The following SH3BP4 variants were observed in gnomAD, a reference collection of about 807,000 sequenced individuals.
The protein encoded by SH3BP4 is SH3 domain binding protein 4, also known as SH3 domain-binding protein 4.
SH3BP4 carries 33 observed loss-of-function variants against 65.5 expected under a neutral mutation model. The observed-to-expected ratio is 0.50, with a 90% CI of 0.38 to 0.67. The LOEUF (loss-of-function observed/expected upper bound fraction) is 0.67. Among genes scored for constraint, SH3BP4 ranks in the 30% least tolerant of loss-of-function variants. The probability of loss-of-function intolerance (pLI) is 0.00; values close to 1 mark genes in which losing one functional copy is unlikely to be tolerated. For missense variants in SH3BP4, 1,134 were observed against 1,261.4 expected (o/e 0.90, Z 1.53); for synonymous variants, 552 against 545.5 (o/e 1.01, Z -0.17).
chr2:235,000,276 C>T (rs1166364602), intron 2 of SH3BP4, among the ~76,000 whole-genome samples: 1 of 152,216 alleles, frequency 6.6e-6, no homozygotes, highest in East Asian at 1.9e-4. Context: ...CTCTCTGGGC[C>T]TCACTTCTCC....
chr2:235,032,108 T>C (rs1190467316), intron 2 of SH3BP4, among the ~76,000 whole-genome samples: 2 of 152,114 alleles, frequency 1.3e-5, no homozygotes, highest in Non-Finnish European at 2.9e-5. Flanking sequence ...GAGCACACAT[T>C]GGTGATTAAC....
At chr2:234,963,342 A>G (rs770050317) in intron 1 of SH3BP4, among the ~76,000 whole-genome samples, 9 of 152,220 alleles carry the variant, frequency 5.9e-5, no homozygotes, top group African/African-American at 9.6e-5. Context: ...TTATAATTAT[A>G]TTAATTGTTG....
At position 235,046,648 on chromosome 2, in the gene SH3BP4, G is replaced by A. The variant is rs1306742501; in HGVS notation, c.2478+3401G>A. Among the ~76,000 whole-genome samples the A allele has an allele frequency of 1.3e-5, 2 of 152,122 alleles. No individual in the cohort carries two copies. Among genetic ancestry groups the A allele is most frequent in the Admixed American group, 1.3e-4 (2 of 15,272 alleles). On this transcript the variant is annotated intron_variant, in intron 4 of 5. Transcript: ENST00000392011. This position sits in a 1 kb window ranked among gnomAD's most constrained non-coding sequence, Gnocchi z 4.2. ...CTTGTTTCTCATTATTACTCTAACTGAACATAGGTCCCATGAGAGGAAGGG... is the reference window on the plus strand; with the variant it reads ...CTTGTTTCTCATTATTACTCTAACTAAACATAGGTCCCATGAGAGGAAGGG...
chr2:235,005,656 C>T (rs1045101588), intron 2 of SH3BP4, among the ~76,000 whole-genome samples: 1 of 152,206 alleles, frequency 6.6e-6, no homozygotes, highest in African/African-American at 2.4e-5. Context: ...TCCTCGTGTC[C>T]AGGCTACAGG....
chr2:234,959,584 T>A (rs1461974267), intron 1 of SH3BP4, among the ~76,000 whole-genome samples: 1 of 152,236 alleles, frequency 6.6e-6, no homozygotes, highest in Non-Finnish European at 1.5e-5. Context: ...ATTTAATTTT[T>A]AATTCAGGTA....
At chr2:234,972,654 A>C (rs1310577720) in intron 1 of SH3BP4, among the ~76,000 whole-genome samples, 1 of 152,148 alleles carries the variant, frequency 6.6e-6, no homozygotes, top group East Asian at 1.9e-4. Flanking sequence ...TGAGCCCAGG[A>C]GGTCAAGCCT....
chr2:235,013,658 A>C (rs1425212290), intron 2 of SH3BP4, among the ~76,000 whole-genome samples: 2 of 152,226 alleles, frequency 1.3e-5, no homozygotes, highest in Non-Finnish European at 2.9e-5. Flanking sequence ...TTTTGCCTGC[A>C]GTCGCTTCCA....
At chr2:235,009,443 T>C (rs189073162) in intron 2 of SH3BP4, among the ~76,000 whole-genome samples, 123 of 152,322 alleles carry the variant, frequency 8.1e-4, no homozygotes, top group Non-Finnish European at 1.5e-3. Flanking sequence ...GTGGTGTGCC[T>C]GGGACCCTGG....
intron 1 of SH3BP4, among the ~76,000 whole-genome samples, chr2:234,990,802 G>C (rs1056954091): frequency 3.9e-5 from 6 of 152,246 alleles, no homozygotes; most frequent in Admixed American, 2.0e-4. Context: ...GGAAGTCCAA[G>C]ATGAGTGTCA....
At chr2:234,964,418 G>A (rs1177485107) in intron 1 of SH3BP4, among the ~76,000 whole-genome samples, 3 of 152,162 alleles carry the variant, frequency 2.0e-5, no homozygotes, top group African/African-American at 7.2e-5. Flanking sequence ...CCGGGTGGGG[G>A]AGATAAATGG....
intron 1 of SH3BP4, among the ~76,000 whole-genome samples, chr2:234,985,384 T>C (rs1470390024): frequency 6.6e-6 from 1 of 152,128 alleles, no homozygotes; most frequent in African/African-American, 2.4e-5. Context: ...GTCAAAAGTG[T>C]GCGTGAATGA....
chr2:235,005,363 C>A (rs1038831187), intron 2 of SH3BP4, among the ~76,000 whole-genome samples: 1 of 152,184 alleles, frequency 6.6e-6, no homozygotes, highest in Non-Finnish European at 1.5e-5. Context: ...TCGCCTGGGG[C>A]TCACTCCGGC....
intron 2 of SH3BP4, among the ~76,000 whole-genome samples, chr2:235,007,872 A>G (rs568614479): frequency 6.6e-6 from 1 of 152,338 alleles, no homozygotes; most frequent in Non-Finnish European, 1.5e-5. Flanking sequence ...CCCGAGGAGA[A>G]TGCGCCAGCG....
chr2:235,053,178 C>T (rs897332815), intron 5 of SH3BP4, among the ~76,000 whole-genome samples: 3 of 152,166 alleles, frequency 2.0e-5, no homozygotes, highest in Non-Finnish European at 4.4e-5. Flanking sequence ...TTTGTGTTCT[C>T]GCATGTTTGT....
chr2:235,015,916 T>A (rs1264712607), intron 2 of SH3BP4, among the ~76,000 whole-genome samples: 1 of 151,930 alleles, frequency 6.6e-6, no homozygotes, highest in East Asian at 1.9e-4. Context: ...GTGGCTGAGC[T>A]GGGTCAGTAT....
chr2:235,034,877 A>G lies in SH3BP4; in HGVS notation c.-126A>G, dbSNP rs1559252489. 1.4e-6 allele frequency: 1 copy of G among 722,196 alleles called. No homozygotes were observed. Among genetic ancestry groups the G allele is most frequent in the East Asian group, 2.6e-5 (1 of 38,186 alleles). 44.7% of individuals were successfully genotyped at this position (722,196 alleles called of 1,614,324 possible). On this transcript the variant is annotated 5_prime_UTR_variant, in exon 3 of 6. Transcript: ENST00000392011. This position sits in a 1 kb window ranked among gnomAD's most constrained non-coding sequence, Gnocchi z 6.2. ...GTTCCTCCTCTACTTTCAGGAAGAA[A>G]CATATTGCCGAGTGGATGCCGCCGC...
chr2:234,959,060 T>C (rs1692649356), intron 1 of SH3BP4, among the ~76,000 whole-genome samples: 1 of 152,232 alleles, frequency 6.6e-6, no homozygotes, highest in African/African-American at 2.4e-5. Context: ...TTAAAAGACC[T>C]TCCCCAAATG....
At chr2:234,953,422 G>T (rs927852985) in intron 1 of SH3BP4, among the ~76,000 whole-genome samples, 1 of 152,162 alleles carries the variant, frequency 6.6e-6, no homozygotes, top group Non-Finnish European at 1.5e-5. Flanking sequence ...CAAAGTTTGG[G>T]TTTTTTCCTT....
rs1695338355 is a variant in SH3BP4, at chr2:235,035,172, A to G, written c.118+52A>G. 7.3e-7 allele frequency: 1 copy of G among 1,375,658 alleles called. No individual in the cohort carries two copies. The highest frequency in any genetic ancestry group is 1.7e-5 in the Admixed American group (1 of 58,132). The allele number at this position is 1,375,658 out of a possible 1,614,324, so 85.2% of individuals were successfully genotyped here. On this transcript the variant is annotated intron_variant, in intron 3 of 5. Transcript: ENST00000392011. The surrounding 1 kb of genome is among the most constrained non-coding windows in gnomAD (Gnocchi z 5.0). Reference sequence around the variant, plus strand: ...GCTAAGGGAGAACGTTGGGATTTTCAAGTTGGGATCCAAGAACTTTTCTGC... The same window carrying G: ...GCTAAGGGAGAACGTTGGGATTTTCGAGTTGGGATCCAAGAACTTTTCTGC...
Sources: allele counts gnomAD v4.1 joint callset (sites outside exome capture counted in the v4.1 genomes callset), GRCh38; gene constraint gnomAD v4.1.1; non-coding constraint Gnocchi (gnomAD v3.1); transcripts MANE v1.5; gene names NCBI Gene and HGNC (gene_info 2026-07-23, HGNC 2026-07-21).